Variants in DIS3 observed in about 807,000 individuals in gnomAD.
The protein encoded by DIS3 is DIS3 exosome endoribonuclease and 3'-5' exoribonuclease, also known as exosome complex exonuclease RRP44.
Under a neutral mutation model 113.0 loss-of-function variants are expected in DIS3, and 103 were observed. The ratio of observed to expected loss-of-function variants is 0.91; its 90% CI spans 0.78 to 1.07. The LOEUF (loss-of-function observed/expected upper bound fraction) is 1.07. Ranked by LOEUF, DIS3 falls within the 50% of genes least tolerant of loss-of-function variation. The pLI, the probability that DIS3 is intolerant of heterozygous loss-of-function variation, is 0.00. For synonymous variants in DIS3, 402 were observed against 394.3 expected, an observed-to-expected ratio of 1.02 and a Z score of -0.23; for missense variants, 1,121 against 1,167.1, an observed-to-expected ratio of 0.96 and a Z score of 0.58.
At chr13:72,773,863 T>C in intron 7 of DIS3, 42 bp from the exon 8 acceptor site, 1 of 1,596,982 alleles carries the variant, frequency 6.3e-7, no homozygotes, top group Non-Finnish European at 8.5e-7. Context: ...AAAAAAAATC[T>C]GAGGATGGAG....
Position 72,777,446 on chromosome 13 carries a change from G to A in DIS3, c.628C>T (p.Arg210Cys). The change falls in exon 4 of 21, where the codon CGT becomes TGT. Residue 210 changes from arginine to cysteine, a missense_variant. By Grantham distance (180) the Arg-to-Cys change is radical. This residue lies in a region of DIS3 where 861 missense variants were observed against 915.5 expected (regional missense o/e 0.94). Transcript: ENST00000377767. ...SLTANPELID[R>C]LACLSEEGNE... ...CCTTCTTCAGACAAACAAGCAAGAC[G>A]ATCTATGAGTTCGGGGTTAGCAGTT... 7 of 1,614,020 alleles carry A rather than the reference G, an allele frequency of 4.3e-6. No homozygotes were observed. Among genetic ancestry groups the A allele is most frequent in the Non-Finnish European group, 5.9e-6 (7 of 1,179,956 alleles).
intron 2 of DIS3, 128 bp from the exon 3 acceptor site, chr13:72,778,508 A>G (rs1210501370): frequency 1.7e-6 from 1 of 602,154 alleles, no homozygotes; most frequent in African/African-American, 1.8e-5. Flanking sequence ...TCTTGAATGT[A>G]TTCAGATGTA....
At chr13:72,778,575 T>G (rs1384390440) in intron 2 of DIS3, among the ~76,000 whole-genome samples, 195 bp from the exon 3 acceptor site, 1 of 152,144 alleles carries the variant, frequency 6.6e-6, no homozygotes. Flanking sequence ...ACAATTTGCT[T>G]GGAAAAGAAG....
At position 72,762,074 on chromosome 13, in the gene DIS3, G is replaced by A. The variant is rs749936817; in HGVS notation, c.2191C>T (p.Pro731Ser). 3 of 1,613,960 alleles carry A rather than the reference G, an allele frequency of 1.9e-6. No individual in the cohort carries two copies. The East Asian group carries it at 6.7e-5, about 36-fold the overall frequency. ...LAESLDQAESPTFPYLNTLLR... is the reference protein window; with the variant it reads ...LAESLDQAESSTFPYLNTLLR... ...AGAGTGTTTAGATATGGAAAAGTAG[G>A]AGATTCGGCCTGATCCAAAGACTCA... The change falls in exon 17 of 21, where the codon CCT becomes TCT. Residue 731 changes from proline (P) to serine (S), a missense_variant. Pro to Ser is a moderately conservative substitution (Grantham distance 74, BLOSUM62 -1). Transcript: ENST00000377767.
In DIS3 at chr13:72,771,857, G is replaced by T; in HGVS notation, c.1543C>A (p.Pro515Thr). The T allele has an allele frequency of 6.2e-7, 1 of 1,613,628 alleles. No homozygotes were observed. The highest frequency in any genetic ancestry group is 8.5e-7 in the Non-Finnish European group (1 of 1,179,878). Reference sequence around the variant, plus strand: ...GATTCTTGATCCAAGGCATTTCCTGGCCTAATAAAATGGCTCACATCAGCA... The same window carrying T: ...GATTCTTGATCCAAGGCATTTCCTGTCCTAATAAAATGGCTCACATCAGCA... ...HIADVSHFIR[P>T]GNALDQESAR... The change falls in exon 11 of 21, where the codon CCA becomes ACA. Residue 515 changes from proline to threonine, a missense_variant. Around this residue, in one of 3 missense-constraint regions of DIS3, gnomAD observed 861 missense variants for 915.5 expected, o/e 0.94. Coordinates refer to ENST00000377767, the MANE Select transcript of DIS3 (RefSeq NM_014953.5).
chr13:72,781,114 A>T (rs2034192426), intron 1 of DIS3, 111 bp from the exon 2 acceptor site: 1 of 1,362,272 alleles, frequency 7.3e-7, no homozygotes, highest in Admixed American at 2.4e-5. Flanking sequence ...AAAAACACTG[A>T]ATAAGTTAAG....
chr13:72,768,502 T>C (rs9543115), intron 14 of DIS3, among the ~76,000 whole-genome samples: 18,440 of 152,100 alleles, frequency 0.12, 1,394 homozygotes, highest in Non-Finnish European at 0.17. Context: ...ATACAAAAAT[T>C]AGCTGGGCGT....
intron 2 of DIS3, among the ~76,000 whole-genome samples, chr13:72,779,575 C>G (rs1350540036): frequency 6.6e-6 from 1 of 152,122 alleles, no homozygotes; most frequent in African/African-American, 2.4e-5. Context: ...TACTGGTATT[C>G]TTTACAAGAA....
In DIS3 at chr13:72,780,832, A is replaced by C; in HGVS notation, c.386+14T>G. The C allele has an allele frequency of 6.3e-7, 1 of 1,579,486 alleles. No homozygotes were observed. The highest frequency in any genetic ancestry group is 8.6e-7 in the Non-Finnish European group (1 of 1,165,428). Reference sequence around the variant, plus strand: ...CCTGTGGTTTTCTGATATTTAACGTAATATTCCTCCTACCTATGGTGCTCA... The same window carrying C: ...CCTGTGGTTTTCTGATATTTAACGTCATATTCCTCCTACCTATGGTGCTCA... On this transcript the variant is annotated intron_variant, in intron 2 of 20. Coordinates refer to ENST00000377767, the MANE Select transcript of DIS3 (RefSeq NM_014953.5).
rs187353372 is a variant in DIS3, at chr13:72,779,123, C to T, written c.387-743G>A. 1.0e-2 allele frequency among the ~76,000 whole-genome samples: 1,401 copies of T among 140,238 alleles called. 11 individuals carry two copies. The highest frequency in any genetic ancestry group is 0.016 in the Non-Finnish European group (1,037 of 64,184). The allele number at this position is 140,238 out of a possible 152,430, so 92.0% of individuals were successfully genotyped here. A position where few individuals can be genotyped will look rare whatever the true frequency, so the allele number is the denominator to read the frequency against. On this transcript the variant is annotated intron_variant, in intron 2 of 20. Coordinates refer to ENST00000377767, the MANE Select transcript of DIS3 (RefSeq NM_014953.5). ...TCATCGTTGAATGCACTTGCTAATG[C>T]TTTTTTTTTTTTTTTGAAACAGAGT...
intron 4 of DIS3, among the ~76,000 whole-genome samples, chr13:72,777,209 G>C (rs959685632): frequency 3.9e-5 from 6 of 152,104 alleles, no homozygotes; most frequent in African/African-American, 1.4e-4. Flanking sequence ...CCCTACTCAG[G>C]TTAATGGGAA....
At chr13:72,774,654 A>G (rs906408558) in intron 6 of DIS3, among the ~76,000 whole-genome samples, 5 of 152,128 alleles carry the variant, frequency 3.3e-5, no homozygotes, top group Non-Finnish European at 5.9e-5. Context: ...AGAAGAATAA[A>G]AAACTGTTAC....
rs1413657145 is a variant in DIS3 at position 72,772,144 on chromosome 13, A to G, written c.1503+15T>C. The G allele has an allele frequency of 6.3e-7, 1 of 1,582,502 alleles. No individual in the cohort carries two copies. The highest frequency in any genetic ancestry group is 1.1e-5 in the South Asian group (1 of 89,308). ...AGAACTATATTTAGGTAAGAACACT[A>G]TTACATATGAATACCTCCAAATTTC... On this transcript the variant is annotated intron_variant, in intron 10 of 20. Coordinates refer to ENST00000377767, the MANE Select transcript of DIS3 (RefSeq NM_014953.5).
At position 72,752,755 on chromosome 13, in the gene DIS3, T is replaced by A. The variant is rs1480078137; in HGVS notation, c.*7040A>T. Reference sequence around the variant, plus strand: ...TATCCAGCCTTGAAATCTGGGAACATTTTTTCAGGATTATTAAGTGATAAA... The same window carrying A: ...TATCCAGCCTTGAAATCTGGGAACAATTTTTCAGGATTATTAAGTGATAAA... On this transcript the variant is annotated 3_prime_UTR_variant, in exon 21 of 21. Transcript: ENST00000377767. 1 of 138,116 alleles carries A rather than the reference T, an allele frequency of 7.2e-6. No homozygotes were observed. Among genetic ancestry groups the A allele is most frequent in the Non-Finnish European group, 1.5e-5 (1 of 64,630 alleles). The allele number at this position is 138,116 out of a possible 1,614,324, so 8.6% of individuals were successfully genotyped here. A position where few individuals can be genotyped will look rare whatever the true frequency, so the allele number is the denominator to read the frequency against.
chr13:72,760,460 C>G, intron 20 of DIS3, 69 bp downstream of exon 20: 1 of 1,585,224 alleles, frequency 6.3e-7, no homozygotes, highest in South Asian at 1.1e-5. Flanking sequence ...GAAATAACTA[C>G]GTCCCTTCTT....
chr13:72,781,112 T>C, intron 1 of DIS3, 109 bp from the exon 2 acceptor site: 1 of 1,360,504 alleles, frequency 7.4e-7, no homozygotes, highest in South Asian at 1.4e-5. Context: ...TTAAAAACAC[T>C]GAATAAGTTA....
In DIS3 at chr13:72,760,627, T is replaced by C. The variant is rs1350289062; in HGVS notation, c.2695A>G (p.Thr899Ala). 6.2e-7 allele frequency: 1 copy of C among 1,612,972 alleles called. No individual in the cohort carries two copies. The highest frequency in any genetic ancestry group is 1.3e-5 in the African/African-American group (1 of 75,040). Residue 899 changes from threonine to alanine, a missense_variant, in exon 20 of 21, where the codon ACA becomes GCA. Physicochemically the swap from Thr to Ala is moderately conservative, Grantham distance 58. Transcript: ENST00000377767. ...DEIPSLKIEDTVFHVFDKVKV... is the reference protein window; with the variant it reads ...DEIPSLKIEDAVFHVFDKVKV... Reference sequence around the variant, plus strand: ...ACTTTATCAAATACATGGAACACTGTATCTTCTATTTTAAGTGAGGGTATC... The same window carrying C: ...ACTTTATCAAATACATGGAACACTGCATCTTCTATTTTAAGTGAGGGTATC...
chr13:72,775,451 A>T lies in DIS3; in HGVS notation c.823-76T>A, dbSNP rs901548882. The stretch of plus-strand genomic sequence containing the variant: ...TAATAAAGGGAAGATCATCTAACAG[A>T]TATTTACATACACTCTGAATATCTC... On this transcript the variant is annotated intron_variant, in intron 5 of 20. Transcript: ENST00000377767. The T allele has an allele frequency of 2.8e-6, 4 of 1,426,166 alleles. No homozygotes were observed. In the African/African-American group the frequency reaches 5.8e-5, roughly 21 times the overall value. 88.3% of individuals were successfully genotyped at this position (1,426,166 alleles called of 1,614,324 possible).
At chr13:72,765,501 T>C (rs2033722963) in intron 15 of DIS3, among the ~76,000 whole-genome samples, 1 of 152,138 alleles carries the variant, frequency 6.6e-6, no homozygotes, top group Non-Finnish European at 1.5e-5. Context: ...GGCATTAGAT[T>C]ATCATAAGAA....
Sources: allele counts gnomAD v4.1 joint callset (sites outside exome capture counted in the v4.1 genomes callset), GRCh38; gene constraint gnomAD v4.1.1; regional missense constraint gnomAD v4.1.1; transcripts MANE v1.5; gene names NCBI Gene and HGNC (gene_info 2026-07-23, HGNC 2026-07-21).